SNTA1: variants seen among roughly 807,000 people sequenced by gnomAD.
The protein encoded by SNTA1 is alpha-1-syntrophin.
SNTA1 carries 31 observed loss-of-function variants against 47.1 expected under a neutral mutation model. The ratio of observed to expected loss-of-function variants is 0.66; its 90% CI spans 0.49 to 0.89. The LOEUF (loss-of-function observed/expected upper bound fraction) is 0.89. Ranked by LOEUF, SNTA1 falls within the 40% of genes least tolerant of loss-of-function variation. The pLI, the probability that SNTA1 is intolerant of heterozygous loss-of-function variation, is 0.00. For synonymous variants in SNTA1, 300 were observed against 313.6 expected, an observed-to-expected ratio of 0.96 and a Z score of 0.46; for missense variants, 575 against 693.0, an observed-to-expected ratio of 0.83 and a Z score of 1.91.
At position 33,443,718 on chromosome 20, in the gene SNTA1, G is replaced by A. The variant is rs1025778495; in HGVS notation, c.-98C>T. The A allele has an allele frequency of 1.7e-5, 13 of 759,602 alleles. No individual in the cohort carries two copies. The highest frequency in any genetic ancestry group is 2.2e-5 in the Non-Finnish European group (13 of 593,016). The allele number at this position is 759,602 out of a possible 1,614,324, so 47.1% of individuals were successfully genotyped here. A position where few individuals can be genotyped will look rare whatever the true frequency, so the allele number is the denominator to read the frequency against. On this transcript the variant is annotated 5_prime_UTR_variant, in exon 1 of 8. Coordinates refer to ENST00000217381, the MANE Select transcript of SNTA1 (RefSeq NM_003098.3). ...CAGGGCAGAGGGCAGCGGGGGCCCG[G>A]CTGGGCCAGCCGCCACCCTACCCCG...
At chr20:33,423,489 C>A (rs1990085220) in intron 2 of SNTA1, among the ~76,000 whole-genome samples, 1 of 152,214 alleles carries the variant, frequency 6.6e-6, no homozygotes, top group Admixed American at 6.5e-5. Flanking sequence ...CCCAGCCAAG[C>A]CCCTGGCCTG....
rs1989651571 is a variant in SNTA1, at chr20:33,408,516, C to T, written c.1509G>A (p.Leu503=). The change falls in exon 8 of 8, where the codon CTG becomes CTA. Residue 503 remains leucine, a synonymous_variant. Transcript: ENST00000217381. ...FLSAKVTRLG[L]LA The stretch of plus-strand genomic sequence containing the variant: ...GTGCATCCGGCGACTTCTAGGCCAA[C>T]AGCCCGAGGCGGGTGACTTTGGCCG... The T allele has an allele frequency of 6.2e-7, 1 of 1,613,570 alleles. No individual in the cohort carries two copies. The highest frequency in any genetic ancestry group is 2.2e-5 in the East Asian group (1 of 44,884).
chr20:33,425,890 G>C (rs1292250746), intron 2 of SNTA1, among the ~76,000 whole-genome samples: 1 of 152,008 alleles, frequency 6.6e-6, no homozygotes, highest in East Asian at 1.9e-4. Context: ...TGGCCAACAT[G>C]GTGAAACCCT....
At chr20:33,421,728 G>A (rs1990026405) in intron 2 of SNTA1, among the ~76,000 whole-genome samples, 1 of 151,982 alleles carries the variant, frequency 6.6e-6, no homozygotes, top group Non-Finnish European at 1.5e-5. Flanking sequence ...GCCCGAGGCA[G>A]GCAGACTGCT....
intron 2 of SNTA1, among the ~76,000 whole-genome samples, chr20:33,427,935 C>T (rs976997046): frequency 6.6e-6 from 1 of 151,696 alleles, no homozygotes; most frequent in African/African-American, 2.4e-5. Flanking sequence ...AATTTGTAGA[C>T]ATGGGGTCTT....
At chr20:33,415,888 C>T (rs1989862263) in intron 3 of SNTA1, among the ~76,000 whole-genome samples, 1 of 151,916 alleles carries the variant, frequency 6.6e-6, no homozygotes, top group Non-Finnish European at 1.5e-5. Flanking sequence ...GTGGGCGGAT[C>T]ACCTGAGGTC....
rs1285525922 is a variant in SNTA1 at position 33,432,935 on chromosome 20, AT to A, written c.496+5905del. ...TAAAGCACTAAAATTCACTTTATTA[AT>A]TTTTTTTTTTTGAGATAGAGACTCA... On this transcript the variant is annotated intron_variant, in intron 2 of 7. Transcript: ENST00000217381. Among the ~76,000 whole-genome samples, 1,453 of 147,246 alleles carry A rather than the reference AT, an allele frequency of 9.9e-3. 23 individuals are homozygous for A. Among genetic ancestry groups the A allele is most frequent in the African/African-American group, 0.032 (1,308 of 40,504 alleles).
intron 2 of SNTA1, among the ~76,000 whole-genome samples, chr20:33,420,412 T>G (rs1484384165): frequency 6.6e-6 from 1 of 152,250 alleles, no homozygotes; most frequent in Non-Finnish European, 1.5e-5. Flanking sequence ...GGATTCCTGT[T>G]ACTTGCAGTC....
Position 33,443,324 on chromosome 20 carries a change from G to T in SNTA1, c.297C>A (p.Gly99=). ...TVRKADAGGL[G]ISIKGGRENK... Reference sequence around the variant, plus strand: ...TCCCGCGCCCACCTTTGATGCTGATGCCCAGCCCACCGGCGTCGGCCTTGC... The same window carrying T: ...TCCCGCGCCCACCTTTGATGCTGATTCCCAGCCCACCGGCGTCGGCCTTGC... The change falls in exon 1 of 8, where the codon GGC becomes GGA. Residue 99 remains glycine, a synonymous_variant. Coordinates refer to ENST00000217381, the MANE Select transcript of SNTA1 (RefSeq NM_003098.3). 1 of 1,508,238 alleles carries T rather than the reference G, an allele frequency of 6.6e-7. No homozygotes were observed. The highest frequency in any genetic ancestry group is 2.0e-5 in the Admixed American group (1 of 49,452). 93.4% of individuals were successfully genotyped at this position (1,508,238 alleles called of 1,614,324 possible).
At chr20:33,431,930 G>T (rs1990317937) in intron 2 of SNTA1, among the ~76,000 whole-genome samples, 1 of 152,130 alleles carries the variant, frequency 6.6e-6, no homozygotes, top group Non-Finnish European at 1.5e-5. Context: ...GCCTACAGAG[G>T]CCCACAAGAC....
At chr20:33,439,077 G>C in intron 1 of SNTA1, 51 bp from the exon 2 acceptor site, 1 of 1,484,022 alleles carries the variant, frequency 6.7e-7, no homozygotes, top group East Asian at 2.3e-5. Context: ...TCCAACACTT[G>C]GGAGTCACAT....
intron 2 of SNTA1, among the ~76,000 whole-genome samples, chr20:33,423,261 G>A (rs771148155): frequency 6.6e-6 from 1 of 152,170 alleles, no homozygotes; most frequent in East Asian, 1.9e-4. Flanking sequence ...CAAGTGGCCT[G>A]TCCCAGAGTG....
chr20:33,412,459 G>C, intron 4 of SNTA1, 33 bp from the exon 5 acceptor site: 1 of 1,609,052 alleles, frequency 6.2e-7, no homozygotes, highest in East Asian at 2.2e-5. Context: ...GAGGATGGGT[G>C]GGGGAAGAGA....
intron 1 of SNTA1, among the ~76,000 whole-genome samples, chr20:33,439,842 A>G (rs546183249): frequency 6.6e-6 from 1 of 152,144 alleles, no homozygotes; most frequent in Admixed American, 6.5e-5. Flanking sequence ...AAAAAGGGCC[A>G]GGTGCGGTGG....
rs113809208 is a variant in SNTA1, at chr20:33,408,700, C to A, written c.1425+1G>T. ...GGGTGCAGAGGCAGCCCCTCACTCA[C>A]GATCTCGCCTTCAGCACCTCCAAAA... is the stretch of plus-strand genomic sequence containing the variant. On this transcript the variant is annotated splice_donor_variant, in intron 7 of 7. Coordinates refer to ENST00000217381, the MANE Select transcript of SNTA1 (RefSeq NM_003098.3). LOFTEE classifies it high-confidence loss of function. 2 of 1,613,994 alleles carry A rather than the reference C, an allele frequency of 1.2e-6. No homozygotes were observed. Among genetic ancestry groups the A allele is most frequent in the Non-Finnish European group, 1.7e-6 (2 of 1,179,880 alleles).
intron 1 of SNTA1, 42 bp from the exon 2 acceptor site, chr20:33,439,068 CCAA>C: frequency 6.4e-7 from 1 of 1,556,470 alleles, no homozygotes. Context: ...GGCAGATACT[CCAA>C]CACTTGGGAG....
At chr20:33,414,127 A>C (rs1989813358) in intron 3 of SNTA1, among the ~76,000 whole-genome samples, 1 of 151,144 alleles carries the variant, frequency 6.6e-6, no homozygotes, top group South Asian at 2.1e-4. Context: ...AATCCCAGCT[A>C]CTAGGGAGGC....
At chr20:33,413,534 T>G (rs539647432) in intron 3 of SNTA1, among the ~76,000 whole-genome samples, 5 of 152,092 alleles carry the variant, frequency 3.3e-5, no homozygotes, top group Non-Finnish European at 7.4e-5. Context: ...CTTGCCCCTT[T>G]CTCCTGGTTT....
intron 2 of SNTA1, among the ~76,000 whole-genome samples, chr20:33,435,923 G>A (rs983819118): frequency 3.3e-5 from 5 of 151,996 alleles, no homozygotes; most frequent in Admixed American, 1.3e-4. Flanking sequence ...GGCCGGGCGC[G>A]GTGGCTCACG....
Sources: allele counts gnomAD v4.1 joint callset (sites outside exome capture counted in the v4.1 genomes callset), GRCh38; gene constraint gnomAD v4.1.1; transcripts MANE v1.5; gene names NCBI Gene and HGNC (gene_info 2026-07-23, HGNC 2026-07-21).